Variants in IL12RB2 observed in about 807,000 individuals in gnomAD.
The protein encoded by IL12RB2 is interleukin-12 receptor subunit beta-2.
A neutral mutation model predicts 89.4 loss-of-function variants in IL12RB2; 82 were observed. The observed-to-expected ratio is 0.92, with a 90% CI of 0.77 to 1.10. The LOEUF (loss-of-function observed/expected upper bound fraction) is 1.10, where lower values mean the gene tolerates loss of function less well. Among genes scored for constraint, IL12RB2 ranks in the 50% least tolerant of loss-of-function variants. The pLI, the probability that IL12RB2 is intolerant of heterozygous loss-of-function variation, is 0.00. For synonymous variants in IL12RB2, 368 were observed against 370.1 expected (o/e 0.99, Z 0.07); for missense variants, 963 against 1,031.9 (o/e 0.93, Z 0.92).
chr1:67,360,864 A>C (rs1471526756), intron 10 of IL12RB2, among the ~76,000 whole-genome samples: 1 of 152,056 alleles, frequency 6.6e-6, no homozygotes, highest in Non-Finnish European at 1.5e-5. Context: ...AAACTGTTTT[A>C]ATAGGGCTGA....
rs1491081816 is a variant in IL12RB2 at position 67,337,916 on chromosome 1, AAG to A, written c.959-706_959-705del. Among the ~76,000 whole-genome samples, 249 of 134,168 alleles carry A rather than the reference AAG, an allele frequency of 1.9e-3. 3 individuals carry two copies. In the East Asian group the frequency reaches 0.038, roughly 21 times the overall value. The allele number at this position is 134,168 out of a possible 152,430, so 88.0% of individuals were successfully genotyped here. On this transcript the variant is annotated intron_variant, in intron 8 of 16. Coordinates refer to ENST00000674203, the MANE Select transcript of IL12RB2 (RefSeq NM_001374259.2). ...TGCATTCTAGTAAAAAAAAAAAAAA[AAG>A]AAAAGAAAAGAAAAGAAAAGAACCA...
At chr1:67,386,376 C>A (rs1247140117) in intron 14 of IL12RB2, among the ~76,000 whole-genome samples, 1 of 152,122 alleles carries the variant, frequency 6.6e-6, no homozygotes, top group African/African-American at 2.4e-5. Flanking sequence ...CCCTGTAGGG[C>A]CAGAGCTCCT....
chr1:67,314,866 T>A (rs1655565258), intron 2 of IL12RB2, among the ~76,000 whole-genome samples: 1 of 150,848 alleles, frequency 6.6e-6, no homozygotes, highest in African/African-American at 2.4e-5. Context: ...GACGTTGTTT[T>A]CACCATCTGG....
chr1:67,395,661 C>T lies in IL12RB2; in HGVS notation c.2161C>T (p.Pro721Ser), dbSNP rs1183327683. The change falls in exon 17 of 17, where the codon CCC becomes TCC. Residue 721 changes from proline to serine, a missense_variant. Pro to Ser is a moderately conservative substitution (Grantham distance 74). Coordinates refer to ENST00000674203, the MANE Select transcript of IL12RB2 (RefSeq NM_001374259.2). ...TCAAGTGACCCCAGTTTTCAGACAT[C>T]CCCCCTGCTCCAACTGGCCACAAAG... ...LHQVTPVFRHPPCSNWPQREK... is the reference protein window; with the variant it reads ...LHQVTPVFRHSPCSNWPQREK... 3 of 1,613,992 alleles carry T rather than the reference C, an allele frequency of 1.9e-6. No individual in the cohort carries two copies. The highest frequency in any genetic ancestry group is 1.3e-5 in the African/African-American group (1 of 74,916).
chr1:67,329,030 C>T (rs973396926), intron 6 of IL12RB2, among the ~76,000 whole-genome samples: 3 of 152,206 alleles, frequency 2.0e-5, no homozygotes, highest in Non-Finnish European at 4.4e-5. Context: ...TTCCATGGCA[C>T]TTCTCTGCAT....
At chr1:67,347,562 T>C (rs947510732) in intron 9 of IL12RB2, among the ~76,000 whole-genome samples, 2 of 152,182 alleles carry the variant, frequency 1.3e-5, no homozygotes, top group African/African-American at 4.8e-5. Flanking sequence ...ACTCTTACAG[T>C]AGGTTTACTG....
At position 67,390,058 on chromosome 1, in the gene IL12RB2, C is replaced by A; in HGVS notation, c.1976C>A (p.Pro659His). ...TTTGTTCTCCTAGCAGCCCTCAGAC[C>A]TCAGTGGTGTAGCAGAGAAATTCCA... ...KVFVLLAALR[P>H]QWCSREIPDP... is the part of the protein sequence containing the mutation. The change falls in exon 16 of 17, where the codon CCT becomes CAT. Residue 659 changes from proline (P) to histidine (H), a missense_variant. Coordinates refer to ENST00000674203, the MANE Select transcript of IL12RB2 (RefSeq NM_001374259.2). 7.3e-7 allele frequency: 1 copy of A among 1,366,220 alleles called. No homozygotes were observed. Among genetic ancestry groups the A allele is most frequent in the Non-Finnish European group, 1.0e-6 (1 of 953,568 alleles). 84.6% of individuals were successfully genotyped at this position (1,366,220 alleles called of 1,614,324 possible). A position where few individuals can be genotyped will look rare whatever the true frequency, so the allele number is the denominator to read the frequency against.
At chr1:67,377,092 T>C (rs1664064730) in intron 13 of IL12RB2, among the ~76,000 whole-genome samples, 1 of 152,164 alleles carries the variant, frequency 6.6e-6, no homozygotes, top group African/African-American at 2.4e-5. Context: ...CCTCAACCCC[T>C]TTGGGTGGAG....
Position 67,328,283 on chromosome 1 carries a change from C to T in IL12RB2, c.563C>T (p.Thr188Ile). 1 of 1,614,170 alleles carries T rather than the reference C, an allele frequency of 6.2e-7. No homozygotes were observed. The highest frequency in any genetic ancestry group is 8.5e-7 in the Non-Finnish European group (1 of 1,180,010). Reference protein sequence around the residue: ...CDYLDFGINLTPESPESNFTA... With the variant: ...CDYLDFGINLIPESPESNFTA... ...TATTTGGACTTTGGAATCAACCTCA[C>T]CCCTGAATCACCTGAATCCAATTTC... The change falls in exon 6 of 17, where the codon ACC (threonine) becomes ATC (isoleucine). Residue 188 changes from threonine (T) to isoleucine (I), a missense_variant. Coordinates refer to ENST00000674203, the MANE Select transcript of IL12RB2 (RefSeq NM_001374259.2).
Position 67,395,966 on chromosome 1 carries a change from G to A in IL12RB2, c.2466G>A (p.Leu822=). ...EAPLADSLEE[L]EPQHISLSVF... Reference sequence around the variant, plus strand: ...CTCTCGCTGACTCTCTGGAAGAACTGGAGCCTCAGCACATCTCCCTTTCTG... The same window carrying A: ...CTCTCGCTGACTCTCTGGAAGAACTAGAGCCTCAGCACATCTCCCTTTCTG... The change falls in exon 17 of 17, where the codon CTG becomes CTA. Residue 822 remains leucine (L), a synonymous_variant. Coordinates refer to ENST00000674203, the MANE Select transcript of IL12RB2 (RefSeq NM_001374259.2). 6.2e-7 allele frequency: 1 copy of A among 1,608,174 alleles called. No individual in the cohort carries two copies.
intron 10 of IL12RB2, among the ~76,000 whole-genome samples, chr1:67,354,308 A>G (rs1661154424): frequency 6.6e-6 from 1 of 152,192 alleles, no homozygotes; most frequent in African/African-American, 2.4e-5. Flanking sequence ...CTGAGCAGGC[A>G]TAGGACTTGA....
At chr1:67,321,219 T>C (rs4655538) in intron 3 of IL12RB2, among the ~76,000 whole-genome samples, 138,623 of 152,110 alleles carry the variant, frequency 0.91, 63,785 homozygotes, top group Non-Finnish European at 0.99. Context: ...TAAATGGTGA[T>C]GGAAACAAAT....
intron 1 of IL12RB2, among the ~76,000 whole-genome samples, chr1:67,311,215 C>T (rs1024035025): frequency 2.0e-5 from 3 of 152,110 alleles, no homozygotes; most frequent in African/African-American, 4.8e-5. Flanking sequence ...AGGTGATGAG[C>T]GTAAACATGG....
At chr1:67,371,751 T>C (rs1663353911) in intron 11 of IL12RB2, among the ~76,000 whole-genome samples, 1 of 152,126 alleles carries the variant, frequency 6.6e-6, no homozygotes, top group South Asian at 2.1e-4. Flanking sequence ...GGAAGGAGCA[T>C]TAACATTCCC....
rs1666458822 is a variant in IL12RB2, at chr1:67,397,913, T to C, written c.*1824T>C. Among the ~76,000 whole-genome samples the C allele has an allele frequency of 6.6e-6, 1 of 152,218 alleles. No homozygotes were observed. Among genetic ancestry groups the C allele is most frequent in the Non-Finnish European group, 1.5e-5 (1 of 68,034 alleles). On this transcript the variant is annotated 3_prime_UTR_variant, in exon 17 of 17. Transcript: ENST00000674203. ...AACTTGTCCATGCATACCCCAGTCCTGTAGAAATAACTGTTCTCGGGCTTT... is the reference window on the plus strand; with the variant it reads ...AACTTGTCCATGCATACCCCAGTCCCGTAGAAATAACTGTTCTCGGGCTTT...
At chr1:67,367,331 G>C (rs1010190665) in intron 10 of IL12RB2, among the ~76,000 whole-genome samples, 3 of 151,892 alleles carry the variant, frequency 2.0e-5, no homozygotes, top group Non-Finnish European at 4.4e-5. Flanking sequence ...GGAGGTTGAG[G>C]CTGCAGTGAT....
At chr1:67,352,095 T>C (rs1660912766) in intron 10 of IL12RB2, among the ~76,000 whole-genome samples, 1 of 152,246 alleles carries the variant, frequency 6.6e-6, no homozygotes, top group Non-Finnish European at 1.5e-5. Flanking sequence ...TTCAGTCATA[T>C]ATCTGTACAA....
intron 8 of IL12RB2, among the ~76,000 whole-genome samples, chr1:67,333,851 G>A (rs1056883315): frequency 5.9e-5 from 9 of 152,180 alleles, no homozygotes; most frequent in African/African-American, 1.9e-4. Context: ...GAACACCCAG[G>A]AAGAGATGCC....
At chr1:67,310,442 A>G (rs1415237968) in intron 1 of IL12RB2, among the ~76,000 whole-genome samples, 2 of 152,170 alleles carry the variant, frequency 1.3e-5, no homozygotes, top group Non-Finnish European at 2.9e-5. Flanking sequence ...AGAATACTTA[A>G]TATGTCTTAA....
Sources: gnomAD v4.1 joint callset for allele counts (sites outside exome capture counted in the v4.1 genomes callset) on GRCh38, gnomAD v4.1.1 for gene constraint, MANE v1.5 for transcripts, NCBI Gene and HGNC (gene_info 2026-07-23, HGNC 2026-07-21) for gene names.